The following MALRD1 variants were observed in gnomAD, a reference collection of about 807,000 sequenced individuals.
The protein encoded by MALRD1 is MAM and LDL-receptor class A domain-containing protein 1.
In MALRD1, 247 loss-of-function variants were observed where a neutral mutation model predicts 242.1. That is an observed-to-expected ratio of 1.02 (90% CI 0.92 to 1.13). The LOEUF is 1.13. Ranked by LOEUF, MALRD1 falls within the 50% of genes most tolerant of loss-of-function variation. MALRD1 has a pLI of 0.00. For missense variants in MALRD1, 2,989 were observed against 2,533.1 expected (o/e 1.18, Z -3.86); for synonymous variants, 995 against 866.6 (o/e 1.15, Z -2.60).
intron 35 of MALRD1, among the ~76,000 whole-genome samples, chr10:19,615,614 C>T (rs1017521378): frequency 2.7e-5 from 4 of 148,142 alleles, no homozygotes; most frequent in African/African-American, 1.0e-4. Context: ...TTTAAAAAGT[C>T]TTCTGTTTTT....
chr10:19,665,719 C>T (rs375068915), intron 36 of MALRD1, among the ~76,000 whole-genome samples: 4 of 152,000 alleles, frequency 2.6e-5, no homozygotes, highest in Admixed American at 6.6e-5. Flanking sequence ...CTCTCAAAGC[C>T]GTCAATTACC....
At chr10:19,723,702 A>C (rs1048627329) in intron 38 of MALRD1, among the ~76,000 whole-genome samples, 1 of 151,346 alleles carries the variant, frequency 6.6e-6, no homozygotes, top group Non-Finnish European at 1.5e-5. Context: ...TGATCACACC[A>C]CTGTAAACCA....
intron 18 of MALRD1, 67 bp from the exon 19 acceptor site, chr10:19,257,617 C>A: frequency 1.7e-6 from 2 of 1,198,268 alleles, no homozygotes; most frequent in South Asian, 1.5e-5. Flanking sequence ...TTCATCCATT[C>A]CATAACTTAA....
At chr10:19,553,117 G>A (rs1835563288) in intron 32 of MALRD1, among the ~76,000 whole-genome samples, 1 of 151,900 alleles carries the variant, frequency 6.6e-6, no homozygotes, top group South Asian at 2.1e-4. Context: ...ATGCACTCGT[G>A]TTCACCTTAT....
At chr10:19,303,457 G>C (rs956585715) in intron 21 of MALRD1, among the ~76,000 whole-genome samples, 10 of 151,694 alleles carry the variant, frequency 6.6e-5, no homozygotes, top group Middle Eastern at 3.2e-3. Flanking sequence ...GAGATGTTAA[G>C]ACACTTTGCA....
intron 19 of MALRD1, among the ~76,000 whole-genome samples, chr10:19,261,893 A>G (rs974961981): frequency 2.0e-5 from 3 of 151,936 alleles, no homozygotes; most frequent in African/African-American, 7.2e-5. Context: ...TGTAAATTCC[A>G]CTGACTACAA....
At chr10:19,725,806 T>A (rs999754738) in intron 38 of MALRD1, among the ~76,000 whole-genome samples, 1 of 152,232 alleles carries the variant, frequency 6.6e-6, no homozygotes, top group African/African-American at 2.4e-5. Flanking sequence ...CTGTCATGAA[T>A]TGATGCTTGA....
At chr10:19,548,464 A>G (rs575236511) in intron 32 of MALRD1, among the ~76,000 whole-genome samples, 1 of 152,268 alleles carries the variant, frequency 6.6e-6, no homozygotes, top group South Asian at 2.1e-4. Context: ...CTTCTAACTT[A>G]CCCATCACCC....
At chr10:19,066,886 C>G in intron 2 of MALRD1, 27 bp downstream of exon 2, 1 of 1,230,902 alleles carries the variant, frequency 8.1e-7, no homozygotes, top group Non-Finnish European at 1.0e-6. Context: ...TATTTTCTCC[C>G]CTCTCTCCCT....
At chr10:19,125,668 A>AT (rs1837262824) in intron 7 of MALRD1, among the ~76,000 whole-genome samples, 1 of 151,430 alleles carries the variant, frequency 6.6e-6, no homozygotes, top group African/African-American at 2.4e-5. Context: ...TATTCTTTAT[A>AT]TGAAATTTCT....
chr10:19,047,443 A>G (rs1564359510), upstream of MALRD1, among the ~76,000 whole-genome samples: 1 of 152,026 alleles, frequency 6.6e-6, no homozygotes, highest in African/African-American at 2.4e-5. Flanking sequence ...GAGGAAACAA[A>G]AATAAAGAGA....
At position 19,098,108 on chromosome 10, in the gene MALRD1, C is replaced by G. The variant is rs999296588; in HGVS notation, c.598-5871C>G. On this transcript the variant is annotated intron_variant, in intron 4 of 39. Coordinates refer to ENST00000454679, the MANE Select transcript of MALRD1 (RefSeq NM_001142308.3). Reference sequence around the variant, plus strand: ...CCCTCTCTTGGGGTCTGGATCGGGACTTCTTTTCGGTAACACTTTCACTCC... The same window carrying G: ...CCCTCTCTTGGGGTCTGGATCGGGAGTTCTTTTCGGTAACACTTTCACTCC... 3.3e-5 allele frequency among the ~76,000 whole-genome samples: 5 copies of G among 152,120 alleles called. No homozygotes were observed. In the East Asian group the frequency reaches 9.6e-4, roughly 29 times the overall value.
chr10:19,120,529 C>A (rs1411964853), intron 5 of MALRD1, among the ~76,000 whole-genome samples: 4 of 152,134 alleles, frequency 2.6e-5, no homozygotes, highest in Non-Finnish European at 5.9e-5. Flanking sequence ...AGGAACCAAG[C>A]ACAAAGGCTA....
At chr10:19,526,057 A>G (rs996027491) in intron 31 of MALRD1, among the ~76,000 whole-genome samples, 8 of 152,114 alleles carry the variant, frequency 5.3e-5, no homozygotes, top group Non-Finnish European at 8.8e-5. Context: ...CAGTTCAGAC[A>G]TTTCAGCTTT....
chr10:19,170,886 G>T (rs749246575), intron 13 of MALRD1, among the ~76,000 whole-genome samples: 9 of 152,072 alleles, frequency 5.9e-5, no homozygotes, highest in Non-Finnish European at 1.0e-4. Context: ...TATAGTAAGT[G>T]CTAAATAAAA....
intron 28 of MALRD1, among the ~76,000 whole-genome samples, chr10:19,410,035 A>G (rs1833208983): frequency 1.3e-5 from 2 of 152,160 alleles, no homozygotes; most frequent in Admixed American, 6.5e-5. Context: ...GGACAAGAAA[A>G]TAATCTTAGT....
chr10:19,316,275 A>G (rs2132010995), intron 21 of MALRD1, among the ~76,000 whole-genome samples: 1 of 151,950 alleles, frequency 6.6e-6, no homozygotes, highest in East Asian at 1.9e-4. Flanking sequence ...AGATGTAGTG[A>G]ACATTTCTAT....
At chr10:19,668,084 C>T (rs1447801794) in intron 36 of MALRD1, among the ~76,000 whole-genome samples, 1 of 152,142 alleles carries the variant, frequency 6.6e-6, no homozygotes, top group African/African-American at 2.4e-5. Flanking sequence ...CTCCCAAAGA[C>T]CCCACCTCTG....
At chr10:19,506,624 T>C (rs1186784577) in intron 31 of MALRD1, among the ~76,000 whole-genome samples, 7 of 152,120 alleles carry the variant, frequency 4.6e-5, no homozygotes, top group Non-Finnish European at 8.8e-5. Context: ...ATATTCTAAT[T>C]CAAATGTGCA....
Sources: allele counts gnomAD v4.1 joint callset (sites outside exome capture counted in the v4.1 genomes callset), GRCh38; gene constraint gnomAD v4.1.1; transcripts MANE v1.5; gene names NCBI Gene and HGNC (gene_info 2026-07-23, HGNC 2026-07-21).